Variants in CCBE1 observed in about 807,000 individuals in gnomAD.
CCBE1 encodes collagen and calcium binding EGF domains 1.
A neutral mutation model predicts 50.0 loss-of-function variants in CCBE1; 37 were observed. The ratio of observed to expected loss-of-function variants is 0.74; its 90% CI spans 0.57 to 0.97. The LOEUF (loss-of-function observed/expected upper bound fraction) is 0.97, where lower values mean the gene tolerates loss of function less well. CCBE1 is among the 50% of genes least tolerant of loss of function. The pLI is 0.00. For synonymous variants in CCBE1, 234 were observed against 203.7 expected (o/e 1.15, Z -1.27); for missense variants, 538 against 523.8 (o/e 1.03, Z -0.26).
intron 3 of CCBE1, among the ~76,000 whole-genome samples, chr18:59,475,341 C>G (rs1038455989): frequency 6.6e-6 from 1 of 152,202 alleles, no homozygotes; most frequent in Non-Finnish European, 1.5e-5. Flanking sequence ...ACCTTTACAA[C>G]TTGCTACTAA....
chr18:59,672,084 G>A (rs928926192), intron 2 of CCBE1, among the ~76,000 whole-genome samples: 1 of 152,056 alleles, frequency 6.6e-6, no homozygotes, highest in Non-Finnish European at 1.5e-5. Context: ...TAGAACTTGG[G>A]GCCACAGGCT....
At position 59,456,826 on chromosome 18, in the gene CCBE1, C is replaced by T. The variant is rs572145071; in HGVS notation, c.554-1875G>A. 9.2e-5 allele frequency among the ~76,000 whole-genome samples: 14 copies of T among 152,196 alleles called. No homozygotes were observed. The East Asian group carries it at 2.3e-3, about 25-fold the overall frequency. On this transcript the variant is annotated intron_variant, in intron 5 of 10. Coordinates refer to ENST00000439986, the MANE Select transcript of CCBE1 (RefSeq NM_133459.4). ...TCTGCCCTTTGGGAGGTGAGCAGGCCCAGAGGCAGCCTGGTAGCTGAGCTC... is the reference window on the plus strand; with the variant it reads ...TCTGCCCTTTGGGAGGTGAGCAGGCTCAGAGGCAGCCTGGTAGCTGAGCTC...
intron 2 of CCBE1, among the ~76,000 whole-genome samples, chr18:59,642,455 G>C (rs920520949): frequency 6.6e-6 from 1 of 152,140 alleles, no homozygotes; most frequent in African/African-American, 2.4e-5. Flanking sequence ...TGACTGTGTA[G>C]GTCCCTCCTT....
chr18:59,658,892 A>AAAAC (rs1415344853), intron 2 of CCBE1, among the ~76,000 whole-genome samples: 110 of 150,932 alleles, frequency 7.3e-4, no homozygotes, highest in Non-Finnish European at 1.3e-3. Flanking sequence ...AAAAAAAAAA[A>AAAAC]AAAAAAAAAA....
intron 2 of CCBE1, among the ~76,000 whole-genome samples, chr18:59,530,835 T>C (rs1199398227): frequency 6.6e-6 from 1 of 152,266 alleles, no homozygotes; most frequent in Non-Finnish European, 1.5e-5. Context: ...AAATATCTTA[T>C]TAATCAATAC....
intron 2 of CCBE1, among the ~76,000 whole-genome samples, chr18:59,622,297 C>A (rs2053720892): frequency 6.6e-6 from 1 of 152,254 alleles, no homozygotes; most frequent in South Asian, 2.1e-4. Flanking sequence ...GTAGAAGTCA[C>A]CTGCAGTTAC....
chr18:59,566,263 A>T (rs2052825044), intron 2 of CCBE1, among the ~76,000 whole-genome samples: 1 of 151,954 alleles, frequency 6.6e-6, no homozygotes, highest in Non-Finnish European at 1.5e-5. Flanking sequence ...TAACATAACC[A>T]TTTTCATTAT....
intron 2 of CCBE1, among the ~76,000 whole-genome samples, chr18:59,674,993 C>T (rs2054480446): frequency 6.6e-6 from 1 of 152,158 alleles, no homozygotes; most frequent in East Asian, 1.9e-4. Context: ...CTGTTTCCAC[C>T]AAGACTATCA....
At chr18:59,573,485 C>A (rs904626742) in intron 2 of CCBE1, among the ~76,000 whole-genome samples, 1 of 151,472 alleles carries the variant, frequency 6.6e-6, no homozygotes, top group African/African-American at 2.4e-5. Flanking sequence ...TTTTAACTTA[C>A]GAAGCACCAC....
chr18:59,675,819 T>C (rs1467812360), intron 2 of CCBE1, among the ~76,000 whole-genome samples: 1 of 152,172 alleles, frequency 6.6e-6, no homozygotes, highest in African/African-American at 2.4e-5. Flanking sequence ...GACCTAGTGA[T>C]GGGATGGAAG....
intron 7 of CCBE1, among the ~76,000 whole-genome samples, chr18:59,445,939 C>T (rs1326889452): frequency 6.6e-6 from 1 of 152,210 alleles, no homozygotes; most frequent in African/African-American, 2.4e-5. Context: ...GATTCCAACC[C>T]AGAGTAGTTT....
At chr18:59,667,730 CCA>C (rs748139490) in intron 2 of CCBE1, among the ~76,000 whole-genome samples, 1 of 152,166 alleles carries the variant, frequency 6.6e-6, no homozygotes, top group Non-Finnish European at 1.5e-5. Context: ...TCAGTTCATT[CCA>C]CAGAGTCAGC....
intron 2 of CCBE1, among the ~76,000 whole-genome samples, chr18:59,627,100 C>G (rs758877239): frequency 6.6e-6 from 1 of 152,190 alleles, no homozygotes; most frequent in Non-Finnish European, 1.5e-5. Context: ...AAATATAAAA[C>G]AATCCATCAT....
intron 2 of CCBE1, chr18:59,563,765 G>A (rs2052777278): frequency 6.6e-6 from 1 of 152,192 alleles, no homozygotes; most frequent in South Asian, 2.1e-4. Flanking sequence ...TAAAACATGT[G>A]CAACATTTCC....
intron 2 of CCBE1, among the ~76,000 whole-genome samples, chr18:59,513,942 A>G (rs1297686617): frequency 6.6e-6 from 1 of 152,176 alleles, no homozygotes; most frequent in African/African-American, 2.4e-5. Context: ...CTGGAGGAAC[A>G]GGGGACTTGC....
At chr18:59,549,666 G>A (rs563772419) in intron 2 of CCBE1, among the ~76,000 whole-genome samples, 1 of 152,152 alleles carries the variant, frequency 6.6e-6, no homozygotes, top group Admixed American at 6.5e-5. Context: ...ATGATGAACA[G>A]GCAGGCCCAG....
chr18:59,544,197 T>G (rs1368550492), intron 2 of CCBE1, among the ~76,000 whole-genome samples: 2 of 152,224 alleles, frequency 1.3e-5, no homozygotes, highest in African/African-American at 4.8e-5. Flanking sequence ...ATCAGCCACA[T>G]AGTAGGTGAT....
At chr18:59,672,494 G>A (rs768022407) in intron 2 of CCBE1, among the ~76,000 whole-genome samples, 106 of 152,184 alleles carry the variant, frequency 7.0e-4, no homozygotes, top group Non-Finnish European at 9.3e-4. Flanking sequence ...GCCCTGCCTA[G>A]ACTACTGATT....
At chr18:59,657,367 G>T (rs1005263428) in intron 2 of CCBE1, among the ~76,000 whole-genome samples, 7 of 152,202 alleles carry the variant, frequency 4.6e-5, no homozygotes, top group African/African-American at 1.7e-4. Context: ...CACTTAAAGG[G>T]AGAAGGGAGG....
Sources: allele counts gnomAD v4.1 joint callset (sites outside exome capture counted in the v4.1 genomes callset), GRCh38; gene constraint gnomAD v4.1.1; transcripts MANE v1.5; gene names NCBI Gene and HGNC (gene_info 2026-07-23, HGNC 2026-07-21).